The following NKAIN2 variants were observed in gnomAD, a reference collection of about 807,000 sequenced individuals.
The protein encoded by NKAIN2 is sodium/potassium-transporting ATPase subunit beta-1-interacting protein 2.
In NKAIN2, 14 loss-of-function variants were observed where a neutral mutation model predicts 32.6. The ratio of observed to expected loss-of-function variants is 0.43; its 90% CI spans 0.28 to 0.67. NKAIN2 has a LOEUF of 0.67. Ranked by LOEUF, NKAIN2 falls within the 30% of genes least tolerant of loss-of-function variation. NKAIN2 has a pLI of 0.17. For synonymous variants in NKAIN2, 80 were observed against 87.2 expected (o/e 0.92, Z 0.46); for missense variants, 198 against 258.3 (o/e 0.77, Z 1.60).
intron 1 of NKAIN2, among the ~76,000 whole-genome samples, chr6:124,065,453 T>C (rs1783121410): frequency 6.6e-6 from 1 of 152,124 alleles, no homozygotes; most frequent in African/African-American, 2.4e-5. Flanking sequence ...CTTCAGGAAG[T>C]TATTCACTCA....
At chr6:124,594,835 G>A (rs1782027175) in intron 3 of NKAIN2, among the ~76,000 whole-genome samples, 1 of 152,096 alleles carries the variant, frequency 6.6e-6, no homozygotes, top group African/African-American at 2.4e-5. Context: ...GGCATGCTGG[G>A]ATCAGAGGAA....
intron 1 of NKAIN2, among the ~76,000 whole-genome samples, chr6:124,268,246 T>C (rs543506870): frequency 7.9e-5 from 12 of 152,324 alleles, no homozygotes; most frequent in African/African-American, 2.9e-4. Context: ...GTAAGGACTC[T>C]GGGAAGCCCA....
At chr6:124,280,821 A>T (rs1230678736) in intron 1 of NKAIN2, among the ~76,000 whole-genome samples, 2 of 152,190 alleles carry the variant, frequency 1.3e-5, no homozygotes, top group East Asian at 3.9e-4. Flanking sequence ...GGCCTATCTT[A>T]AATTACAGAA....
chr6:124,645,334 C>T (rs1337821887), intron 3 of NKAIN2, among the ~76,000 whole-genome samples: 3 of 152,184 alleles, frequency 2.0e-5, no homozygotes, highest in Admixed American at 6.5e-5. Context: ...GGTAGCTTGC[C>T]TTAGCCTCTT....
intron 3 of NKAIN2, among the ~76,000 whole-genome samples, chr6:124,589,844 C>A (rs575782523): frequency 6.6e-6 from 1 of 151,708 alleles, no homozygotes; most frequent in Non-Finnish European, 1.5e-5. Context: ...CACCCCCCAA[C>A]AAGCCCTGGC....
intron 1 of NKAIN2, among the ~76,000 whole-genome samples, chr6:123,957,921 A>G (rs751461069): frequency 3.3e-5 from 5 of 152,218 alleles, no homozygotes; most frequent in Non-Finnish European, 7.3e-5. Context: ...ACAATATTTA[A>G]TGTGGGCATG....
At chr6:123,986,608 A>G (rs1334584650) in intron 1 of NKAIN2, among the ~76,000 whole-genome samples, 1 of 152,120 alleles carries the variant, frequency 6.6e-6, no homozygotes, top group African/African-American at 2.4e-5. Context: ...TTTTTAAAAA[A>G]TTTATGCTCA....
chr6:124,447,850 A>G (rs1008150909), intron 3 of NKAIN2, among the ~76,000 whole-genome samples: 1 of 152,108 alleles, frequency 6.6e-6, no homozygotes, highest in Non-Finnish European at 1.5e-5. Flanking sequence ...TGTGGCACAT[A>G]TTAACACGAT....
chr6:124,258,076 G>T (rs1390547365), intron 1 of NKAIN2, among the ~76,000 whole-genome samples: 1 of 151,744 alleles, frequency 6.6e-6, no homozygotes, highest in Non-Finnish European at 1.5e-5. Context: ...CACCGTGCTG[G>T]CCAATTCATT....
chr6:124,124,381 G>T (rs115812159), intron 1 of NKAIN2, among the ~76,000 whole-genome samples: 2 of 152,104 alleles, frequency 1.3e-5, no homozygotes, highest in East Asian at 1.9e-4. Flanking sequence ...CAGCATTAAT[G>T]GGAAATTGTT....
chr6:124,567,587 T>C (rs988415087), intron 3 of NKAIN2, among the ~76,000 whole-genome samples: 4 of 152,190 alleles, frequency 2.6e-5, no homozygotes, highest in Non-Finnish European at 1.5e-5. Flanking sequence ...TTAACCATAG[T>C]GAGATACAAC....
intron 1 of NKAIN2, among the ~76,000 whole-genome samples, chr6:124,238,163 T>G (rs1215528287): frequency 1.3e-5 from 2 of 151,468 alleles, no homozygotes; most frequent in Non-Finnish European, 2.9e-5. Flanking sequence ...TGGATAAAGG[T>G]TAGCCAGGGG....
At chr6:124,602,630 C>T (rs1782352477) in intron 3 of NKAIN2, among the ~76,000 whole-genome samples, 1 of 151,822 alleles carries the variant, frequency 6.6e-6, no homozygotes, top group African/African-American at 2.4e-5. Context: ...CAACTATGAA[C>T]GTGAATACTT....
At chr6:123,961,903 T>G (rs1264737531) in intron 1 of NKAIN2, among the ~76,000 whole-genome samples, 2 of 152,134 alleles carry the variant, frequency 1.3e-5, no homozygotes, top group Non-Finnish European at 2.9e-5. Flanking sequence ...ATTTATAGCA[T>G]AGTGGGAACA....
intron 3 of NKAIN2, among the ~76,000 whole-genome samples, chr6:124,396,076 A>G (rs1336515016): frequency 6.6e-6 from 1 of 152,010 alleles, no homozygotes; most frequent in Non-Finnish European, 1.5e-5. Context: ...TTATATATAC[A>G]TATCTCCAGG....
At chr6:124,100,519 A>G (rs1784834614) in intron 1 of NKAIN2, among the ~76,000 whole-genome samples, 1 of 152,250 alleles carries the variant, frequency 6.6e-6, no homozygotes, top group Non-Finnish European at 1.5e-5. Flanking sequence ...CACAGCAAAT[A>G]GAATTGTTTG....
intron 3 of NKAIN2, among the ~76,000 whole-genome samples, chr6:124,400,896 T>A (rs1773597750): frequency 1.3e-5 from 2 of 152,280 alleles, no homozygotes; most frequent in South Asian, 4.1e-4. Context: ...TTTATTAATA[T>A]TTCCATATAA....
chr6:124,817,687 T>C (rs1326018401), intron 5 of NKAIN2, among the ~76,000 whole-genome samples: 3 of 152,194 alleles, frequency 2.0e-5, no homozygotes, highest in African/African-American at 7.2e-5. Context: ...AAAGTCACAT[T>C]GTAAAAACAT....
chr6:123,981,339 A>G (rs529020242), intron 1 of NKAIN2, among the ~76,000 whole-genome samples: 78 of 150,468 alleles, frequency 5.2e-4, no homozygotes, highest in African/African-American at 1.8e-3. Context: ...CCAGTGCTGG[A>G]AAAAAAAAGC....
Sources: allele counts gnomAD v4.1 joint callset (sites outside exome capture counted in the v4.1 genomes callset), GRCh38; gene constraint gnomAD v4.1.1; transcripts MANE v1.5; gene names NCBI Gene and HGNC (gene_info 2026-07-23, HGNC 2026-07-21).